The following CDHR2 variants were observed in gnomAD, a reference collection of about 807,000 sequenced individuals.
CDHR2 encodes cadherin-related family member 2.
In CDHR2, 104 loss-of-function variants were observed where a neutral mutation model predicts 138.6. The observed-to-expected ratio is 0.75, with a 90% CI of 0.64 to 0.88. The LOEUF is 0.88. Ranked by LOEUF, CDHR2 falls within the 40% of genes least tolerant of loss-of-function variation. The probability of loss-of-function intolerance (pLI) is 0.00; values close to 1 mark genes in which losing one functional copy is unlikely to be tolerated. For missense variants in CDHR2, 1,624 were observed against 1,727.6 expected (o/e 0.94, Z 1.06); for synonymous variants, 755 against 742.8 (o/e 1.02, Z -0.27).
upstream of CDHR2, among the ~76,000 whole-genome samples, chr5:176,546,339 A>G (rs1757584642): frequency 6.6e-6 from 1 of 152,116 alleles, no homozygotes; most frequent in Admixed American, 6.6e-5. Flanking sequence ...TCATCCCTGG[A>G]GTTATTGGCA....
chr5:176,590,372 G>A (rs1758812451), intron 26 of CDHR2, 42 bp downstream of exon 26: 1 of 1,614,204 alleles, frequency 6.2e-7, no homozygotes. Context: ...GGGTGAGCAG[G>A]AAGCCTGGGG....
At chr5:176,560,837 C>T (rs1163063465) in intron 1 of CDHR2, among the ~76,000 whole-genome samples, 3 of 152,214 alleles carry the variant, frequency 2.0e-5, no homozygotes, top group Admixed American at 2.0e-4. Flanking sequence ...CCTGATGTTC[C>T]ATGTTTCCCC....
intron 1 of CDHR2, among the ~76,000 whole-genome samples, chr5:176,552,001 C>T (rs1347108858): frequency 3.3e-5 from 5 of 152,152 alleles, no homozygotes; most frequent in South Asian, 2.1e-4. Context: ...TGAGTCACCG[C>T]GCCCGGTTAA....
At chr5:176,559,148 G>A (rs962038611) in intron 1 of CDHR2, among the ~76,000 whole-genome samples, 3 of 152,152 alleles carry the variant, frequency 2.0e-5, no homozygotes, top group African/African-American at 4.8e-5. Context: ...GGCCCAAGAG[G>A]CCCAGGTGTA....
chr5:176,579,268 C>A (rs1758473449), intron 16 of CDHR2, among the ~76,000 whole-genome samples: 1 of 152,238 alleles, frequency 6.6e-6, no homozygotes, highest in Non-Finnish European at 1.5e-5. Flanking sequence ...TCCCGTCTTT[C>A]CAGGACTGTG....
intron 15 of CDHR2, 53 bp downstream of exon 15, chr5:176,578,148 C>G: frequency 6.7e-7 from 1 of 1,483,240 alleles, no homozygotes; most frequent in South Asian, 1.2e-5. Context: ...CCCAGGCCCA[C>G]CTCTCTGCCT....
intron 17 of CDHR2, among the ~76,000 whole-genome samples, chr5:176,583,967 A>G (rs1477854283): frequency 1.3e-5 from 2 of 151,972 alleles, no homozygotes; most frequent in African/African-American, 4.8e-5. Context: ...CTGAGGATGG[A>G]TGTGTAAGGC....
intron 1 of CDHR2, among the ~76,000 whole-genome samples, chr5:176,557,486 G>A (rs1016486008): frequency 2.6e-5 from 4 of 151,744 alleles, no homozygotes; most frequent in Non-Finnish European, 5.9e-5. Context: ...GATTATAGGC[G>A]TGAGCCACTG....
rs570313342 is a variant in CDHR2 at position 176,560,358 on chromosome 5, T to C, written c.-15-4980T>C. The stretch of plus-strand genomic sequence containing the variant: ...TTGCAGTGAGCCAAGATCGCACTAC[T>C]GCACTCCAGCCTGGGCGACAGGAGT... On this transcript the variant is annotated intron_variant, in intron 1 of 31. Coordinates refer to ENST00000261944, the MANE Select transcript of CDHR2 (RefSeq NM_017675.6). Among the ~76,000 whole-genome samples the C allele has an allele frequency of 4.0e-5, 6 of 151,486 alleles. No homozygotes were observed. In the South Asian group the frequency reaches 1.3e-3, roughly 32 times the overall value.
intron 21 of CDHR2, among the ~76,000 whole-genome samples, chr5:176,588,320 G>A (rs1758719721): frequency 6.6e-6 from 1 of 152,066 alleles, no homozygotes; most frequent in African/African-American, 2.4e-5. Flanking sequence ...GTGTGTATGT[G>A]TGTGACTGTG....
chr5:176,559,369 C>A (rs1247050429), intron 1 of CDHR2, among the ~76,000 whole-genome samples: 1 of 152,148 alleles, frequency 6.6e-6, no homozygotes, highest in Non-Finnish European at 1.5e-5. Context: ...ATTCTGGGTC[C>A]TTTGTATGTC....
rs769937229 is a variant in CDHR2, at chr5:176,577,453, A to G, written c.1249A>G (p.Ser417Gly). The change falls in exon 13 of 32, where the codon AGC becomes GGC. Residue 417 changes from serine to glycine, a missense_variant. Physicochemically the swap from Ser to Gly is moderately conservative, Grantham distance 56 (BLOSUM62 0). This residue lies in a region of CDHR2 where 1,061 missense variants were observed against 1,136.6 expected (regional missense o/e 0.93). Transcript: ENST00000261944. ...SLGGPDAEAF[S>G]VSPERAVGSA... Reference sequence around the variant, plus strand: ...GGGGGGCCCCGATGCAGAAGCCTTCAGCGTCTCCCCGGAGCGGGCAGTGGG... The same window carrying G: ...GGGGGGCCCCGATGCAGAAGCCTTCGGCGTCTCCCCGGAGCGGGCAGTGGG... 3.1e-6 allele frequency: 5 copies of G among 1,610,304 alleles called. No individual in the cohort carries two copies. The African/African-American group carries it at 5.3e-5, about 17-fold the overall frequency.
rs1023051131 is a variant in CDHR2, at chr5:176,543,339, T to C, written c.-16+570T>C. Among the ~76,000 whole-genome samples, 13 of 147,748 alleles carry C rather than the reference T, an allele frequency of 8.8e-5. No homozygotes were observed. Among genetic ancestry groups the C allele is most frequent in the Non-Finnish European group, 1.5e-4 (10 of 66,262 alleles). On this transcript the variant is annotated intron_variant, in intron 1 of 31. Transcript: ENST00000510636. This position sits in a 1 kb window ranked among gnomAD's most constrained non-coding sequence, Gnocchi z 4.0. The stretch of plus-strand genomic sequence containing the variant: ...CTGCAGCCCAGGCTCGCGGTGCGGC[T>C]GCGGCCCGCGCGCCGCCTGCCGCGG...
intron 1 of CDHR2, among the ~76,000 whole-genome samples, chr5:176,555,369 A>G (rs1757797494): frequency 6.6e-6 from 1 of 152,174 alleles, no homozygotes; most frequent in East Asian, 1.9e-4. Flanking sequence ...GTGGCTGTGA[A>G]TCCCACTCAC....
chr5:176,584,463 A>C lies in CDHR2; in HGVS notation c.2182A>C (p.Asn728His). 6.2e-7 allele frequency: 1 copy of C among 1,609,250 alleles called. No individual in the cohort carries two copies. The highest frequency in any genetic ancestry group is 8.5e-7 in the Non-Finnish European group (1 of 1,177,006). ...GGACGCGGACCAGACGGAAGCCAAC[A>C]ACCGCATCAGCTTCAGCCTGTCGGG... ...AWDADQTEAN[N>H]RISFSLSGSG... The change falls in exon 19 of 32, where the codon AAC becomes CAC. Residue 728 changes from asparagine (N) to histidine (H), a missense_variant. Physicochemically the swap from Asn to His is moderately conservative, Grantham distance 68. This residue lies in a region of CDHR2 where 1,061 missense variants were observed against 1,136.6 expected (regional missense o/e 0.93). Coordinates refer to ENST00000261944, the MANE Select transcript of CDHR2 (RefSeq NM_017675.6).
In CDHR2 at chr5:176,581,484, G is replaced by A. The variant is rs1214276632; in HGVS notation, c.1960G>A (p.Asp654Asn). ...NLGPLDREAIDPALEGRIVLT... is the reference protein window; with the variant it reads ...NLGPLDREAINPALEGRIVLT... ...GGGGCCCCTGGACAGAGAGGCCATCGACCCCGCCCTGGAGGGCCGCATTGT... is the reference window on the plus strand; with the variant it reads ...GGGGCCCCTGGACAGAGAGGCCATCAACCCCGCCCTGGAGGGCCGCATTGT... The change falls in exon 17 of 32, where the codon GAC (aspartate) becomes AAC (asparagine). Residue 654 changes from aspartate (D) to asparagine (N), a missense_variant. This residue lies in a region of CDHR2 where 1,061 missense variants were observed against 1,136.6 expected (regional missense o/e 0.93). Coordinates refer to ENST00000261944, the MANE Select transcript of CDHR2 (RefSeq NM_017675.6). 1.9e-6 allele frequency: 3 copies of A among 1,613,998 alleles called. No homozygotes were observed. The highest frequency in any genetic ancestry group is 1.7e-6 in the Non-Finnish European group (2 of 1,180,044).
chr5:176,574,214 G>A lies in CDHR2; in HGVS notation c.495+42G>A, dbSNP rs750601167. On this transcript the variant is annotated intron_variant, in intron 7 of 31. Coordinates refer to ENST00000261944, the MANE Select transcript of CDHR2 (RefSeq NM_017675.6). ...CCCTGACCGCCTTTGTGACCGCCAG[G>A]GGGCAGCATCTCCACAGACAACCCA... The A allele has an allele frequency of 9.4e-5, 135 of 1,437,710 alleles. No homozygotes were observed. In the Admixed American group the frequency reaches 2.2e-3, roughly 24 times the overall value. The allele number at this position is 1,437,710 out of a possible 1,614,324, so 89.1% of individuals were successfully genotyped here.
intron 7 of CDHR2, among the ~76,000 whole-genome samples, 183 bp from the exon 8 acceptor site, chr5:176,574,901 T>C (rs766475795): frequency 1.1e-4 from 17 of 152,174 alleles, no homozygotes; most frequent in Non-Finnish European, 8.8e-5. Context: ...TTCAACCCAC[T>C]GAGGGTTGTC....
chr5:176,547,653 C>G (rs537817628), upstream of CDHR2: 1 of 152,068 alleles, frequency 6.6e-6, no homozygotes, highest in Non-Finnish European at 1.5e-5. Flanking sequence ...GCACAGAAAT[C>G]CTGGCCTCAA....
Sources: gnomAD v4.1 joint callset for allele counts (sites outside exome capture counted in the v4.1 genomes callset) on GRCh38, gnomAD v4.1.1 for gene constraint, gnomAD v4.1.1 regional missense constraint, Gnocchi (gnomAD v3.1) non-coding constraint, MANE v1.5 for transcripts, NCBI Gene and HGNC (gene_info 2026-07-23, HGNC 2026-07-21) for gene names.